Variants in PCDHGA7 observed in about 807,000 individuals in gnomAD.
PCDHGA7 encodes the protein protocadherin gamma-A7.
In PCDHGA7, 44 loss-of-function variants were observed where a neutral mutation model predicts 58.3. The ratio of observed to expected loss-of-function variants is 0.75; its 90% CI spans 0.59 to 0.97. The LOEUF is 0.97. Among genes scored for constraint, PCDHGA7 ranks in the 50% least tolerant of loss-of-function variants. PCDHGA7 has a pLI of 0.00. For synonymous variants in PCDHGA7, 516 were observed against 504.2 expected (o/e 1.02, Z -0.31); for missense variants, 1,266 against 1,188.7 (o/e 1.06, Z -0.96).
At chr5:141,445,339 A>G (rs1450773291) in intron 1 of PCDHGA7, among the ~76,000 whole-genome samples, 1 of 152,152 alleles carries the variant, frequency 6.6e-6, no homozygotes, top group Non-Finnish European at 1.5e-5. Context: ...GAAACAGTAA[A>G]CATTGGTGTC....
intron 1 of PCDHGA7, chr5:141,398,802 C>A: frequency 6.2e-7 from 1 of 1,613,982 alleles, no homozygotes; most frequent in Non-Finnish European, 8.5e-7. Context: ...TAAGCGGCAC[C>A]ACTGAGCTCC....
intron 1 of PCDHGA7, among the ~76,000 whole-genome samples, chr5:141,425,318 G>A (rs1304835508): frequency 1.3e-5 from 2 of 152,158 alleles, no homozygotes; most frequent in Non-Finnish European, 2.9e-5. Context: ...TCCCAAGATC[G>A]TGGAGAACAA....
intron 2 of PCDHGA7, among the ~76,000 whole-genome samples, chr5:141,505,146 A>G (rs2099844101): frequency 6.6e-6 from 1 of 152,190 alleles, no homozygotes; most frequent in Non-Finnish European, 1.5e-5. Flanking sequence ...TGGATGACAG[A>G]GTAAGACCCT....
intron 1 of PCDHGA7, chr5:141,409,809 A>G: frequency 1.2e-6 from 2 of 1,611,542 alleles, no homozygotes; most frequent in Non-Finnish European, 1.7e-6. Context: ...CAGGCCCGCG[A>G]CCACGGCTCG....
intron 1 of PCDHGA7, among the ~76,000 whole-genome samples, chr5:141,407,687 G>A (rs866314437): frequency 1.3e-5 from 2 of 152,126 alleles, no homozygotes; most frequent in African/African-American, 2.4e-5. Context: ...TGGCTTTGTG[G>A]TGATCATTGT....
chr5:141,414,311 ACT>A (rs1421551588), intron 1 of PCDHGA7: 5 of 1,613,710 alleles, frequency 3.1e-6, no homozygotes, highest in Non-Finnish European at 4.2e-6. Flanking sequence ...CATGATTTAG[ACT>A]CTGAGCAGAA....
intron 1 of PCDHGA7, among the ~76,000 whole-genome samples, chr5:141,470,212 C>A (rs756256854): frequency 2.0e-5 from 3 of 152,116 alleles, no homozygotes; most frequent in Non-Finnish European, 4.4e-5. Context: ...AAGGCTAAAC[C>A]ATTCAGCTTC....
At chr5:141,446,296 G>A (rs2098497546) in intron 1 of PCDHGA7, among the ~76,000 whole-genome samples, 1 of 152,160 alleles carries the variant, frequency 6.6e-6, no homozygotes, top group Non-Finnish European at 1.5e-5. Context: ...GGGGAGCAGG[G>A]ATTAAGAGTG....
chr5:141,427,793 G>C, intron 1 of PCDHGA7: 1 of 1,495,528 alleles, frequency 6.7e-7, no homozygotes, highest in Non-Finnish European at 9.2e-7. Flanking sequence ...CGTCCTACGT[G>C]TCCGTGAGCG....
At chr5:141,508,267 C>G (rs993402135) in intron 3 of PCDHGA7, 5 of 152,336 alleles carry the variant, frequency 3.3e-5, no homozygotes, top group African/African-American at 9.6e-5. Context: ...AAGAGAAAAT[C>G]CCGGTCCTTG....
intron 1 of PCDHGA7, chr5:141,428,419 C>G: frequency 4.4e-6 from 2 of 451,920 alleles, no homozygotes; most frequent in Non-Finnish European, 4.1e-6. Flanking sequence ...TCACCCTGGT[C>G]TCTGTTCTAA....
At position 141,383,112 on chromosome 5, in the gene PCDHGA7, G is replaced by A. The variant is rs1167934535; in HGVS notation, c.213G>A (p.Arg71=). 7 of 1,614,042 alleles carry A rather than the reference G, an allele frequency of 4.3e-6. No homozygotes were observed. The highest frequency in any genetic ancestry group is 2.2e-5 in the East Asian group (1 of 44,874). ...ERGVRIISRG[R]TQLFALNQRS... ...GAGTCCGCATCATCTCCAGAGGTAG[G>A]ACGCAGCTTTTCGCCCTGAACCAGC... is the stretch of plus-strand genomic sequence containing the variant. Residue 71 remains arginine, a synonymous_variant, in exon 1 of 4, where the codon AGG becomes AGA. Coordinates refer to ENST00000518325, the MANE Select transcript of PCDHGA7 (RefSeq NM_018920.4).
At chr5:141,421,271 T>G in intron 1 of PCDHGA7, 1 of 1,612,330 alleles carries the variant, frequency 6.2e-7, no homozygotes, top group Non-Finnish European at 8.5e-7. Context: ...CGGCTGCTGC[T>G]GCTGCTGTGC....
chr5:141,473,798 T>C lies in PCDHGA7; in HGVS notation c.2425-21009T>C, dbSNP rs1202883137. 2.6e-5 allele frequency among the ~76,000 whole-genome samples: 4 copies of C among 152,350 alleles called. 1 individual carries two copies. The highest frequency in any genetic ancestry group is 6.8e-3 in the Middle Eastern group (2 of 294). On this transcript the variant is annotated intron_variant, in intron 1 of 3. Transcript: ENST00000518325. ...TTTTAATTCAAGAGCAGTATGATGCTACTGAGGAGCAGCTGGACAATTGTG... is the reference window on the plus strand; with the variant it reads ...TTTTAATTCAAGAGCAGTATGATGCCACTGAGGAGCAGCTGGACAATTGTG...
At chr5:141,398,667 A>G (rs750777887) in intron 1 of PCDHGA7, 1 of 1,614,006 alleles carries the variant, frequency 6.2e-7, no homozygotes, top group Admixed American at 1.7e-5. Flanking sequence ...GTTTCTCATT[A>G]ATAATTAAGG....
chr5:141,425,177 GGAATTCCAAACTGA>G (rs2096860295), intron 1 of PCDHGA7, among the ~76,000 whole-genome samples: 1 of 152,036 alleles, frequency 6.6e-6, no homozygotes, highest in South Asian at 2.1e-4. Flanking sequence ...TTATACTTGT[GGAATTCCAAACTGA>G]GAAAAATGAT....
chr5:141,386,967 T>C (rs1397962065), intron 1 of PCDHGA7, among the ~76,000 whole-genome samples: 1 of 152,204 alleles, frequency 6.6e-6, no homozygotes, highest in Non-Finnish European at 1.5e-5. Flanking sequence ...CAGATCTCAG[T>C]GACTTTGTGT....
chr5:141,431,408 G>T lies in PCDHGA7; in HGVS notation c.2424+46085G>T, dbSNP rs1270461546. On this transcript the variant is annotated intron_variant, in intron 1 of 3. Coordinates refer to ENST00000518325, the MANE Select transcript of PCDHGA7 (RefSeq NM_018920.4). The surrounding 1 kb of genome is among the most constrained non-coding windows in gnomAD (Gnocchi z 4.8). ...CCACCTGGTCCTTACGGCCTCCGAC[G>T]GGGGCGACCCGGTGCGCACAGGCAC... 4 of 1,613,600 alleles carry T rather than the reference G, an allele frequency of 2.5e-6. No individual in the cohort carries two copies. Among genetic ancestry groups the T allele is most frequent in the Non-Finnish European group, 3.4e-6 (4 of 1,180,038 alleles).
In PCDHGA7 at chr5:141,383,238, A is replaced by G. The variant is rs1381388622; in HGVS notation, c.339A>G (p.Lys113=). The part of the protein sequence containing the change: ...LVNFNILMED[K]MNLYPIDVEI... ...ACTTTAACATCCTGATGGAAGATAA[A>G]ATGAATCTTTACCCTATAGACGTGG... The change falls in exon 1 of 4, where the codon AAA becomes AAG. Residue 113 remains lysine (K), a synonymous_variant. Transcript: ENST00000518325. The G allele has an allele frequency of 6.2e-7, 1 of 1,613,848 alleles. No individual in the cohort carries two copies. The highest frequency in any genetic ancestry group is 8.5e-7 in the Non-Finnish European group (1 of 1,179,898).
Sources: gnomAD v4.1 joint callset for allele counts (sites outside exome capture counted in the v4.1 genomes callset) on GRCh38, gnomAD v4.1.1 for gene constraint, Gnocchi (gnomAD v3.1) non-coding constraint, MANE v1.5 for transcripts, NCBI Gene and HGNC (gene_info 2026-07-23, HGNC 2026-07-21) for gene names.